The following ARHGEF7 variants were observed in gnomAD, a reference collection of about 807,000 sequenced individuals.
The protein encoded by ARHGEF7 is Rho guanine nucleotide exchange factor 7, also known as PAK-interacting exchange factor beta.
ARHGEF7 carries 33 observed loss-of-function variants against 109.8 expected under a neutral mutation model. The ratio of observed to expected loss-of-function variants is 0.30; its 90% CI spans 0.23 to 0.40. ARHGEF7 has a LOEUF of 0.40. ARHGEF7 is among the 10% of genes least tolerant of loss of function. ARHGEF7 has a pLI of 1.00. For missense variants in ARHGEF7, 938 were observed against 1,098.5 expected, an observed-to-expected ratio of 0.85 and a Z score of 2.07; for synonymous variants, 458 against 424.6, an observed-to-expected ratio of 1.08 and a Z score of -0.97.
chr13:111,227,083 G>T (rs569083546), intron 5 of ARHGEF7, among the ~76,000 whole-genome samples: 1 of 152,190 alleles, frequency 6.6e-6, no homozygotes, highest in African/African-American at 2.4e-5. Context: ...GAGAAAACTT[G>T]AATGGATGAA....
chr13:111,117,703 CTCTG>C (rs903049193), intron 1 of ARHGEF7, among the ~76,000 whole-genome samples: 2 of 151,850 alleles, frequency 1.3e-5, no homozygotes, highest in East Asian at 1.9e-4. Flanking sequence ...CTCTCTCTCT[CTCTG>C]TCTCTCTCTC....
chr13:111,152,965 G>A (rs1727778396), intron 1 of ARHGEF7, among the ~76,000 whole-genome samples: 1 of 152,204 alleles, frequency 6.6e-6, no homozygotes, highest in South Asian at 2.1e-4. Flanking sequence ...GGAGTCTGTA[G>A]GCGCCTTCCT....
chr13:111,135,971 T>A (rs2075064644), intron 1 of ARHGEF7, among the ~76,000 whole-genome samples: 1 of 152,224 alleles, frequency 6.6e-6, no homozygotes, highest in South Asian at 2.1e-4. Context: ...ATACGTCCCA[T>A]CAATACCTAA....
At chr13:111,264,040 C>G (rs2091373229) in intron 8 of ARHGEF7, among the ~76,000 whole-genome samples, 1 of 152,192 alleles carries the variant, frequency 6.6e-6, no homozygotes, top group African/African-American at 2.4e-5. Context: ...TGTGGCTAAT[C>G]CCGGTAGGTT....
chr13:111,264,897 G>A (rs981538400), intron 8 of ARHGEF7, among the ~76,000 whole-genome samples: 2 of 152,100 alleles, frequency 1.3e-5, no homozygotes, highest in African/African-American at 4.8e-5. Flanking sequence ...TGTTTTAGAA[G>A]CAGAGGTTTA....
chr13:111,185,425 G>T (rs1050113814), intron 2 of ARHGEF7, among the ~76,000 whole-genome samples: 1 of 152,134 alleles, frequency 6.6e-6, no homozygotes, highest in Non-Finnish European at 1.5e-5. Context: ...TTAATTTTTT[G>T]AAGCTTTTTC....
chr13:111,141,256 C>G (rs1236981973), intron 1 of ARHGEF7, among the ~76,000 whole-genome samples: 1 of 152,092 alleles, frequency 6.6e-6, no homozygotes, highest in Non-Finnish European at 1.5e-5. Flanking sequence ...TGTATAATAT[C>G]ATGCAGAGTA....
At position 111,182,917 on chromosome 13, in the gene ARHGEF7, A is replaced by G. The variant is rs190648550; in HGVS notation, c.253-22372A>G. The stretch of plus-strand genomic sequence containing the variant: ...CACATGAGCTATTCAACGCTGTGTT[A>G]TAAAATATGCTCTTGTGTGAGATGA... On this transcript the variant is annotated intron_variant, in intron 2 of 21. Coordinates refer to ENST00000646102, the MANE Select transcript of ARHGEF7 (RefSeq NM_001354046.2). Among the ~76,000 whole-genome samples the G allele has an allele frequency of 4.2e-3, 640 of 152,366 alleles. 2 individuals carry two copies. The highest frequency in any genetic ancestry group is 0.015 in the African/African-American group (610 of 41,578).
At chr13:111,265,840 G>A (rs2091584629) in intron 8 of ARHGEF7, 1 of 419,526 alleles carries the variant, frequency 2.4e-6, no homozygotes, top group Non-Finnish European at 4.8e-6. Flanking sequence ...ACCACCTGCG[G>A]GTGCCTTGAT....
chr13:111,156,268 G>A (rs2076324652), intron 2 of ARHGEF7, among the ~76,000 whole-genome samples: 1 of 152,046 alleles, frequency 6.6e-6, no homozygotes. Context: ...CACATAATAG[G>A]CTTTCAATAA....
intron 9 of ARHGEF7, among the ~76,000 whole-genome samples, chr13:111,271,065 T>C (rs2092105088): frequency 6.6e-6 from 1 of 151,516 alleles, no homozygotes; most frequent in Admixed American, 6.5e-5. Context: ...CCGGCAGTGA[T>C]GGTGTGGGCA....
chr13:111,219,354 A>G (rs1385803041), intron 5 of ARHGEF7, among the ~76,000 whole-genome samples: 1 of 152,248 alleles, frequency 6.6e-6, no homozygotes, highest in Non-Finnish European at 1.5e-5. Flanking sequence ...TGTAAGGCTG[A>G]ATAATATTTC....
At chr13:111,226,555 T>G (rs2153515913) in intron 5 of ARHGEF7, among the ~76,000 whole-genome samples, 1 of 152,310 alleles carries the variant, frequency 6.6e-6, no homozygotes, top group African/African-American at 2.4e-5. Context: ...TGTGTCATGG[T>G]TTGCTGAATA....
Position 111,271,423 on chromosome 13 carries a change from T to C in ARHGEF7, c.1074-2391T>C, listed in dbSNP as rs2092137423. On this transcript the variant is annotated intron_variant, in intron 9 of 21. Coordinates refer to ENST00000646102, the MANE Select transcript of ARHGEF7 (RefSeq NM_001354046.2). The stretch of plus-strand genomic sequence containing the variant: ...AATGATAGGAACACATGCGGTGTGC[T>C]CATGGGCTCATGTCAATGCAGCCTG... Among the ~76,000 whole-genome samples, 4 of 152,180 alleles carry C rather than the reference T, an allele frequency of 2.6e-5. No homozygotes were observed. The South Asian group carries it at 8.3e-4, about 31-fold the overall frequency.
chr13:111,244,101 T>C (rs979922608), intron 7 of ARHGEF7, 98 bp from the exon 8 acceptor site: 4 of 1,207,116 alleles, frequency 3.3e-6, no homozygotes, highest in Non-Finnish European at 4.7e-6. Context: ...ATCAGCTGTT[T>C]ATTAGGTTAA....
intron 8 of ARHGEF7, among the ~76,000 whole-genome samples, chr13:111,263,672 T>C (rs1342532384): frequency 6.6e-6 from 1 of 152,244 alleles, no homozygotes; most frequent in African/African-American, 2.4e-5. Flanking sequence ...TGCTCTTCAG[T>C]CCTCCTAGTG....
At chr13:111,222,848 TC>T (rs1228646032) in intron 5 of ARHGEF7, among the ~76,000 whole-genome samples, 1 of 152,208 alleles carries the variant, frequency 6.6e-6, no homozygotes, top group Non-Finnish European at 1.5e-5. Flanking sequence ...ACAGCAGACT[TC>T]CCTCTCACCT....
intron 2 of ARHGEF7, among the ~76,000 whole-genome samples, chr13:111,201,094 C>G (rs1025680724): frequency 2.0e-5 from 3 of 152,184 alleles, no homozygotes; most frequent in Admixed American, 6.5e-5. Flanking sequence ...GATCCCCAGG[C>G]TTGTTGGCTC....
At chr13:111,176,393 T>C (rs1361962836) in intron 2 of ARHGEF7, among the ~76,000 whole-genome samples, 1 of 152,212 alleles carries the variant, frequency 6.6e-6, no homozygotes, top group African/African-American at 2.4e-5. Context: ...GATGTGCCTC[T>C]CCCCCTCTGG....
Sources: gnomAD v4.1 joint callset for allele counts (sites outside exome capture counted in the v4.1 genomes callset) on GRCh38, gnomAD v4.1.1 for gene constraint, MANE v1.5 for transcripts, NCBI Gene and HGNC (gene_info 2026-07-23, HGNC 2026-07-21) for gene names.